GRK5: variants seen among roughly 807,000 people sequenced by gnomAD.
GRK5 encodes the protein G protein-coupled receptor kinase 5, also known as g protein-coupled receptor kinase GRK5.
A neutral mutation model predicts 78.4 loss-of-function variants in GRK5; 40 were observed. The observed-to-expected ratio is 0.51, with a 90% CI of 0.40 to 0.66. The LOEUF (loss-of-function observed/expected upper bound fraction) is 0.66, where lower values mean the gene tolerates loss of function less well. Among genes scored for constraint, GRK5 ranks in the 30% least tolerant of loss-of-function variants. The probability of loss-of-function intolerance (pLI) is 0.00; values close to 1 mark genes in which losing one functional copy is unlikely to be tolerated. For synonymous variants in GRK5, 289 were observed against 296.8 expected (o/e 0.97, Z 0.27); for missense variants, 598 against 759.9 (o/e 0.79, Z 2.50).
chr10:119,458,348 A>G lies in GRK5; in HGVS notation c.*3281A>G, dbSNP rs1371455358. On this transcript the variant is annotated 3_prime_UTR_variant, in exon 16 of 16. Transcript: ENST00000392870. ...CTGGGGGGCACCCAGAATACCACCC[A>G]AAATAGCAAGAAGACCCGGTCCCCG... is the stretch of plus-strand genomic sequence containing the variant. 6.6e-6 allele frequency: 1 copy of G among 152,222 alleles called. No individual in the cohort carries two copies. The highest frequency in any genetic ancestry group is 1.5e-5 in the Non-Finnish European group (1 of 68,074). 9.4% of individuals were successfully genotyped at this position (152,222 alleles called of 1,614,324 possible).
chr10:119,207,627 G>A lies in GRK5; in HGVS notation c.-291G>A, dbSNP rs1848406054. 2.3e-5 allele frequency: 8 copies of A among 348,728 alleles called. No homozygotes were observed. Among genetic ancestry groups the A allele is most frequent in the South Asian group, 1.8e-4 (7 of 39,282 alleles). 21.6% of individuals were successfully genotyped at this position (348,728 alleles called of 1,614,324 possible). On this transcript the variant is annotated 5_prime_UTR_variant, in exon 1 of 16. The change abolishes the stop of an existing upstream ORF in the 5' untranslated region. Coordinates refer to ENST00000392870, the MANE Select transcript of GRK5 (RefSeq NM_005308.3). ...GAGCCGGAGGGGAGGAGAATGGAGTGACAGAGACACGCGGAGGGTGGGGGG... is the reference window on the plus strand; with the variant it reads ...GAGCCGGAGGGGAGGAGAATGGAGTAACAGAGACACGCGGAGGGTGGGGGG...
At chr10:119,229,216 T>TGGGTTG (rs1564856089) in intron 1 of GRK5, among the ~76,000 whole-genome samples, 1 of 152,174 alleles carries the variant, frequency 6.6e-6, no homozygotes, top group African/African-American at 2.4e-5. Context: ...TGCCCTGTGC[T>TGGGTTG]GGGTTGGGGT....
chr10:119,274,420 G>A (rs372400523), intron 1 of GRK5, among the ~76,000 whole-genome samples: 37 of 152,358 alleles, frequency 2.4e-4, no homozygotes, highest in East Asian at 1.5e-3. Context: ...GATCCCAGGC[G>A]TTAGCTTCCA....
intron 1 of GRK5, among the ~76,000 whole-genome samples, chr10:119,299,946 A>G (rs1187939240): frequency 6.6e-6 from 1 of 152,036 alleles, no homozygotes; most frequent in Non-Finnish European, 1.5e-5. Context: ...ATATCTCCTA[A>G]TGCTAGCCCT....
intron 6 of GRK5, 65 bp downstream of exon 6, chr10:119,425,150 CAT>C (rs1259228574): frequency 8.2e-6 from 10 of 1,218,940 alleles, no homozygotes; most frequent in Non-Finnish European, 1.2e-5. Flanking sequence ...TCTGAGAATT[CAT>C]ATAAAAATCA....
chr10:119,381,103 ATGGGTGACCT>A lies in GRK5; in HGVS notation c.261+193_261+202del, dbSNP rs989299648. ...CAAAATTGTCTGAGGATCTAAACAC[ATGGGTGACCT>A]TGGGTGACCTTGGGTGGGCCCCCTC... On this transcript the variant is annotated intron_variant, in intron 3 of 15. Transcript: ENST00000392870. 1.1e-4 allele frequency among the ~76,000 whole-genome samples: 17 copies of A among 152,346 alleles called. No homozygotes were observed. The East Asian group carries it at 2.5e-3, about 22-fold the overall frequency.
intron 4 of GRK5, among the ~76,000 whole-genome samples, chr10:119,419,493 A>T (rs1280827403): frequency 2.6e-5 from 4 of 152,038 alleles, no homozygotes; most frequent in South Asian, 2.1e-4. Context: ...CAAAGGTGTC[A>T]CTCCCTGGAG....
At chr10:119,241,531 G>C (rs1178666940) in intron 1 of GRK5, among the ~76,000 whole-genome samples, 1 of 152,238 alleles carries the variant, frequency 6.6e-6, no homozygotes, top group African/African-American at 2.4e-5. Context: ...AGCTGGCATA[G>C]CTGTGGAAAG....
intron 1 of GRK5, among the ~76,000 whole-genome samples, chr10:119,313,111 T>C (rs968288447): frequency 1.4e-5 from 2 of 146,546 alleles, no homozygotes; most frequent in Non-Finnish European, 3.0e-5. Context: ...GTAATGATGG[T>C]AGTGGTGATG....
chr10:119,244,752 A>C (rs1157945562), intron 1 of GRK5, among the ~76,000 whole-genome samples: 1 of 152,056 alleles, frequency 6.6e-6, no homozygotes, highest in African/African-American at 2.4e-5. Context: ...CAAAACAAAA[A>C]CCCAAAAAAC....
At chr10:119,380,058 A>G (rs1241287763) in intron 2 of GRK5, among the ~76,000 whole-genome samples, 1 of 152,210 alleles carries the variant, frequency 6.6e-6, no homozygotes, top group East Asian at 1.9e-4. Context: ...GAAGCATCCT[A>G]AGACTGGGCT....
intron 2 of GRK5, chr10:119,333,593 A>G (rs1850821623): frequency 2.8e-6 from 1 of 363,430 alleles, no homozygotes; most frequent in Non-Finnish European, 5.5e-6. Context: ...CCATGAGCAT[A>G]TTGCTGCATA....
intron 8 of GRK5, among the ~76,000 whole-genome samples, chr10:119,435,374 A>G (rs1852900830): frequency 6.6e-6 from 1 of 152,156 alleles, no homozygotes; most frequent in African/African-American, 2.4e-5. Context: ...CCCTTACAAA[A>G]CTGAATGCCT....
intron 2 of GRK5, among the ~76,000 whole-genome samples, chr10:119,332,780 C>T (rs1850804812): frequency 6.6e-6 from 1 of 152,190 alleles, no homozygotes. Flanking sequence ...TTGTCTCCAG[C>T]CCAGAGCCTT....
chr10:119,418,783 G>A (rs1852513020), intron 4 of GRK5, among the ~76,000 whole-genome samples: 1 of 152,194 alleles, frequency 6.6e-6, no homozygotes, highest in Admixed American at 6.5e-5. Context: ...TGTTTAAGGA[G>A]ACCACCTGGT....
At position 119,455,820 on chromosome 10, in the gene GRK5, C is replaced by T. The variant is rs540099777; in HGVS notation, c.*753C>T. 1.1e-4 allele frequency: 18 copies of T among 157,910 alleles called. No homozygotes were observed. In the South Asian group the frequency reaches 3.1e-3, roughly 27 times the overall value. The allele number at this position is 157,910 out of a possible 1,614,324, so 9.8% of individuals were successfully genotyped here. ...GCTGAGCCCTTCTCCTCGAGGGGCA[C>T]GCCGAGCCACTGTCGCACCCACCTC... On this transcript the variant is annotated 3_prime_UTR_variant, in exon 16 of 16. Transcript: ENST00000392870.
intron 1 of GRK5, among the ~76,000 whole-genome samples, chr10:119,291,876 C>T (rs1400250218): frequency 6.8e-6 from 1 of 147,064 alleles, no homozygotes; most frequent in East Asian, 2.0e-4. Context: ...CCTCCTCATC[C>T]TCCTCCTCCT....
chr10:119,395,475 G>A (rs1434549552), intron 3 of GRK5, among the ~76,000 whole-genome samples: 8 of 152,194 alleles, frequency 5.3e-5, no homozygotes, highest in Admixed American at 4.6e-4. Flanking sequence ...GTTCGGGTCC[G>A]TCTATGCTGG....
At chr10:119,386,311 C>T (rs1174313894) in intron 3 of GRK5, among the ~76,000 whole-genome samples, 1 of 152,148 alleles carries the variant, frequency 6.6e-6, no homozygotes, top group African/African-American at 2.4e-5. Flanking sequence ...AAGGGCTGCT[C>T]CCCATTTGGA....
Sources: gnomAD v4.1 joint callset for allele counts (sites outside exome capture counted in the v4.1 genomes callset) on GRCh38, gnomAD v4.1.1 for gene constraint, MANE v1.5 for transcripts, NCBI Gene and HGNC (gene_info 2026-07-23, HGNC 2026-07-21) for gene names.